CHN1: variants seen among roughly 807,000 people sequenced by gnomAD.
CHN1 encodes the protein chimerin 1.
A neutral mutation model predicts 59.5 loss-of-function variants in CHN1; 37 were observed. The ratio of observed to expected loss-of-function variants is 0.62; its 90% CI spans 0.48 to 0.82. The LOEUF is 0.82. Ranked by LOEUF, CHN1 falls within the 40% of genes least tolerant of loss-of-function variation. CHN1 has a pLI of 0.00. For synonymous variants in CHN1, 206 were observed against 200.4 expected (o/e 1.03, Z -0.24); for missense variants, 469 against 571.0 (o/e 0.82, Z 1.82).
intron 5 of CHN1, among the ~76,000 whole-genome samples, chr2:174,914,244 T>G (rs1688775101): frequency 6.6e-6 from 1 of 152,224 alleles, no homozygotes; most frequent in Non-Finnish European, 1.5e-5. Flanking sequence ...TGCTCTTGTA[T>G]TATTGTTCTT....
chr2:174,856,882 G>A (rs1421393789), intron 6 of CHN1, among the ~76,000 whole-genome samples: 2 of 152,170 alleles, frequency 1.3e-5, no homozygotes, highest in Non-Finnish European at 2.9e-5. Flanking sequence ...TGGGTCTTCA[G>A]AAGGTAGCTC....
intron 1 of CHN1, among the ~76,000 whole-genome samples, chr2:174,955,267 A>G (rs1265164133): frequency 6.6e-6 from 1 of 150,674 alleles, no homozygotes; most frequent in Non-Finnish European, 1.5e-5. Flanking sequence ...ATATATATAT[A>G]CACACCATGG....
intron 6 of CHN1, among the ~76,000 whole-genome samples, chr2:174,860,295 G>C (rs1050356542): frequency 6.6e-6 from 1 of 151,902 alleles, no homozygotes; most frequent in Non-Finnish European, 1.5e-5. Context: ...CAATCTCATG[G>C]GTAAAACAAT....
intron 8 of CHN1, among the ~76,000 whole-genome samples, chr2:174,818,232 G>A (rs1242835590): frequency 6.6e-6 from 1 of 152,132 alleles, no homozygotes; most frequent in African/African-American, 2.4e-5. Flanking sequence ...ATAAAACTAT[G>A]GGAAAACATT....
intron 5 of CHN1, among the ~76,000 whole-genome samples, chr2:174,902,714 A>C (rs994653797): frequency 2.3e-4 from 35 of 152,322 alleles, no homozygotes; most frequent in African/African-American, 6.0e-4. Context: ...CACACAGTAC[A>C]TTACACGTCA....
chr2:174,960,836 T>C (rs974656804), intron 1 of CHN1, among the ~76,000 whole-genome samples: 1 of 148,678 alleles, frequency 6.7e-6, no homozygotes, highest in Non-Finnish European at 1.5e-5. Context: ...AAAATGAAAA[T>C]AAAAACACAG....
chr2:174,903,757 G>A (rs10204893), intron 5 of CHN1, among the ~76,000 whole-genome samples: 9,024 of 152,040 alleles, frequency 0.059, 440 homozygotes, highest in African/African-American at 0.13. Flanking sequence ...CCAAGTGATC[G>A]TATAATGGGA....
intron 3 of CHN1, among the ~76,000 whole-genome samples, chr2:174,929,048 T>C (rs1401293943): frequency 1.3e-5 from 2 of 152,230 alleles, no homozygotes; most frequent in Non-Finnish European, 2.9e-5. Context: ...TTACTTCTAT[T>C]ACTCCATTTG....
intron 6 of CHN1, among the ~76,000 whole-genome samples, chr2:174,869,053 A>G (rs1687317632): frequency 6.6e-6 from 1 of 152,190 alleles, no homozygotes; most frequent in Non-Finnish European, 1.5e-5. Context: ...GAGGAAGAGC[A>G]AAGGTATAGT....
At chr2:174,859,013 C>A (rs920111608) in intron 6 of CHN1, among the ~76,000 whole-genome samples, 4 of 151,260 alleles carry the variant, frequency 2.6e-5, no homozygotes, top group East Asian at 3.9e-4. Context: ...CACACACACA[C>A]AAAACCAAAC....
chr2:174,898,699 T>G (rs1222478941), intron 5 of CHN1, among the ~76,000 whole-genome samples: 2 of 152,236 alleles, frequency 1.3e-5, no homozygotes, highest in African/African-American at 4.8e-5. Flanking sequence ...ATAATTTCAT[T>G]ATTTTAAGAT....
intron 6 of CHN1, among the ~76,000 whole-genome samples, chr2:174,865,408 G>C (rs977184431): frequency 6.6e-6 from 1 of 152,104 alleles, no homozygotes; most frequent in African/African-American, 2.4e-5. Flanking sequence ...TGTCCTCTAT[G>C]ATGTCACTCC....
intron 5 of CHN1, among the ~76,000 whole-genome samples, chr2:174,906,448 G>A (rs1309737270): frequency 6.6e-6 from 1 of 152,130 alleles, no homozygotes; most frequent in Non-Finnish European, 1.5e-5. Flanking sequence ...GGCTGGGAGA[G>A]CTGAGAAACA....
intron 1 of CHN1, among the ~76,000 whole-genome samples, chr2:174,983,937 A>C (rs1477094195): frequency 6.6e-6 from 1 of 152,198 alleles, no homozygotes; most frequent in Admixed American, 6.5e-5. Flanking sequence ...ACAAGAGATG[A>C]TGGGAAAGAC....
intron 7 of CHN1, among the ~76,000 whole-genome samples, chr2:174,844,897 C>A (rs1223160641): frequency 6.6e-6 from 1 of 152,054 alleles, no homozygotes; most frequent in African/African-American, 2.4e-5. Context: ...ACTCTAAGAA[C>A]AAGTCCAAGC....
In CHN1 at chr2:174,873,510, T is replaced by C. The variant is rs1687472572; in HGVS notation, c.549+4330A>G. ...GATTACATGGATACAGGTAATGGCC[T>C]ATATTTGAAGCAAAGTAAAAACATT... On this transcript the variant is annotated intron_variant, in intron 6 of 12. Coordinates refer to ENST00000409900, the MANE Select transcript of CHN1 (RefSeq NM_001822.7). Among the ~76,000 whole-genome samples the C allele has an allele frequency of 2.0e-5, 3 of 152,350 alleles. No individual in the cohort carries two copies. In the South Asian group the frequency reaches 6.2e-4, roughly 32 times the overall value.
intron 1 of CHN1, 100 bp from the exon 2 acceptor site, chr2:174,952,302 T>C: frequency 1.3e-6 from 1 of 756,804 alleles, no homozygotes; most frequent in Admixed American, 4.1e-5. Context: ...TGAGATCTAT[T>C]TGTTCTAGGT....
chr2:174,808,589 G>GT (rs1249023334), intron 11 of CHN1, among the ~76,000 whole-genome samples: 2 of 151,990 alleles, frequency 1.3e-5, no homozygotes, highest in East Asian at 3.8e-4. Context: ...GCCTGGTTTT[G>GT]TTTTTTTAAT....
At chr2:174,880,744 C>T (rs1236348766) in intron 5 of CHN1, among the ~76,000 whole-genome samples, 2 of 152,054 alleles carry the variant, frequency 1.3e-5, no homozygotes, top group South Asian at 2.1e-4. Flanking sequence ...ACACAAAGTG[C>T]TAAATTTAAA....
Sources: gnomAD v4.1 joint callset for allele counts (sites outside exome capture counted in the v4.1 genomes callset) on GRCh38, gnomAD v4.1.1 for gene constraint, MANE v1.5 for transcripts, NCBI Gene and HGNC (gene_info 2026-07-23, HGNC 2026-07-21) for gene names.